Variants in AK5 observed in about 807,000 individuals in gnomAD.
AK5 encodes adenylate kinase isoenzyme 5.
Under a neutral mutation model 69.5 loss-of-function variants are expected in AK5, and 27 were observed. The observed-to-expected ratio is 0.39, with a 90% confidence interval of 0.29 to 0.54. The LOEUF is 0.54. Ranked by LOEUF, AK5 falls within the 20% of genes least tolerant of loss-of-function variation. The pLI is 0.71. For missense variants in AK5, 531 were observed against 700.4 expected (o/e 0.76, Z 2.73); for synonymous variants, 260 against 244.4 (o/e 1.06, Z -0.60).
At chr1:77,405,404 C>T (rs1570513905) in intron 6 of AK5, among the ~76,000 whole-genome samples, 1 of 152,246 alleles carries the variant, frequency 6.6e-6, no homozygotes, top group Admixed American at 6.5e-5. Context: ...CCCTTGGCCT[C>T]GGTTGCTTCT....
chr1:77,496,517 G>T (rs796608507), intron 10 of AK5, among the ~76,000 whole-genome samples: 1 of 152,148 alleles, frequency 6.6e-6, no homozygotes, highest in African/African-American at 2.4e-5. Flanking sequence ...TAAGGAAAAA[G>T]GAGACAGTTG....
At chr1:77,448,860 T>C (rs1465922336) in intron 8 of AK5, among the ~76,000 whole-genome samples, 1 of 152,156 alleles carries the variant, frequency 6.6e-6, no homozygotes, top group East Asian at 1.9e-4. Context: ...CCATGTTCCC[T>C]GGTGCTCACA....
chr1:77,336,633 G>T (rs116215215), intron 5 of AK5, among the ~76,000 whole-genome samples: 2,190 of 151,776 alleles, frequency 0.014, 43 homozygotes, highest in African/African-American at 0.047. Flanking sequence ...GGTTTTTTTT[G>T]TGTGTGTGTA....
intron 6 of AK5, among the ~76,000 whole-genome samples, chr1:77,395,887 C>T (rs1570497203): frequency 6.6e-6 from 1 of 152,164 alleles, no homozygotes; most frequent in African/African-American, 2.4e-5. Context: ...CCCTGACTCA[C>T]TCCTCTTCAT....
At chr1:77,531,313 C>T (rs754335678) in intron 12 of AK5, among the ~76,000 whole-genome samples, 8 of 152,200 alleles carry the variant, frequency 5.3e-5, no homozygotes, top group Non-Finnish European at 1.2e-4. Flanking sequence ...TGGACGGGGA[C>T]CCCAGCGGGT....
intron 5 of AK5, among the ~76,000 whole-genome samples, chr1:77,337,970 T>TTG (rs1553134844): frequency 6.6e-6 from 1 of 150,862 alleles, no homozygotes; most frequent in Non-Finnish European, 1.5e-5. Flanking sequence ...TTTTTATTTT[T>TTG]TTTTTTTTTT....
At chr1:77,517,503 G>C (rs187764236) in intron 10 of AK5, among the ~76,000 whole-genome samples, 3 of 152,218 alleles carry the variant, frequency 2.0e-5, no homozygotes, top group Admixed American at 2.0e-4. Flanking sequence ...TGTAAAATGG[G>C]AATAATAACA....
chr1:77,344,875 C>T (rs1661833766), intron 6 of AK5, among the ~76,000 whole-genome samples: 2 of 151,666 alleles, frequency 1.3e-5, no homozygotes, highest in Non-Finnish European at 2.9e-5. Flanking sequence ...CCCTCAGGAA[C>T]CCTTTTCTAA....
chr1:77,493,311 G>T (rs1656106123), intron 10 of AK5, among the ~76,000 whole-genome samples: 1 of 149,042 alleles, frequency 6.7e-6, no homozygotes, highest in African/African-American at 2.5e-5. Flanking sequence ...ATTTTCTCCT[G>T]CCCTTGGACA....
chr1:77,555,502 C>T (rs557572291), intron 13 of AK5, among the ~76,000 whole-genome samples: 3 of 152,118 alleles, frequency 2.0e-5, no homozygotes, highest in African/African-American at 4.8e-5. Context: ...GGGTGTGAAC[C>T]AGTTCTCTCC....
At chr1:77,415,246 G>A (rs571140731) in intron 7 of AK5, among the ~76,000 whole-genome samples, 4 of 152,106 alleles carry the variant, frequency 2.6e-5, no homozygotes, top group Admixed American at 6.5e-5. Context: ...AAGTATTAAC[G>A]TGTAATATCC....
chr1:77,486,653 G>C (rs552160139), intron 10 of AK5, among the ~76,000 whole-genome samples: 2 of 150,958 alleles, frequency 1.3e-5, no homozygotes, highest in South Asian at 2.1e-4. Flanking sequence ...AGCCGAGATC[G>C]CGCCACTGCA....
chr1:77,453,009 T>C (rs1653251731), intron 8 of AK5, among the ~76,000 whole-genome samples: 1 of 152,182 alleles, frequency 6.6e-6, no homozygotes, highest in Non-Finnish European at 1.5e-5. Context: ...CTAAAAGCTA[T>C]AGAGAATGAT....
At position 77,402,452 on chromosome 1, in the gene AK5, C is replaced by A. The variant is rs1428775712; in HGVS notation, c.892-8529C>A. Reference sequence around the variant, plus strand: ...TAATGCTATCCCTCCCCCCTCCCCCCACCCCACAACAGTCCCCGGTGTGTG... The same window carrying A: ...TAATGCTATCCCTCCCCCCTCCCCCAACCCCACAACAGTCCCCGGTGTGTG... On this transcript the variant is annotated intron_variant, in intron 6 of 13. Coordinates refer to ENST00000354567, the MANE Select transcript of AK5 (RefSeq NM_174858.3). 4.5e-5 allele frequency among the ~76,000 whole-genome samples: 6 copies of A among 134,392 alleles called. No homozygotes were observed. In the East Asian group the frequency reaches 6.7e-4, roughly 15 times the overall value. The allele number at this position is 134,392 out of a possible 152,430, so 88.2% of individuals were successfully genotyped here.
chr1:77,530,850 GA>G lies in AK5; in HGVS notation c.1429-4993del, dbSNP rs1357002238. ...AACCCCCATTCTGACTTAATCAGAA[GA>G]AAACTAAGGTGGGGGTGGAGTCAGA... On this transcript the variant is annotated intron_variant, in intron 12 of 13. Transcript: ENST00000354567. 2.6e-5 allele frequency among the ~76,000 whole-genome samples: 4 copies of G among 152,246 alleles called. No homozygotes were observed. In the East Asian group the frequency reaches 7.7e-4, roughly 29 times the overall value.
At chr1:77,321,756 T>G (rs1192885477) in intron 5 of AK5, among the ~76,000 whole-genome samples, 1 of 152,152 alleles carries the variant, frequency 6.6e-6, no homozygotes, top group East Asian at 1.9e-4. Flanking sequence ...GTAAAAATTC[T>G]AAATAGTGGT....
At chr1:77,357,195 C>G (rs140638090) in intron 6 of AK5, among the ~76,000 whole-genome samples, 2 of 152,094 alleles carry the variant, frequency 1.3e-5, no homozygotes, top group African/African-American at 4.8e-5. Flanking sequence ...TGAAATGTTG[C>G]AAGGAACTCA....
chr1:77,368,240 T>TA (rs1168079782), intron 6 of AK5, among the ~76,000 whole-genome samples: 49 of 3,472 alleles, frequency 0.014, 3 homozygotes, highest in Admixed American at 0.096. Context: ...TATATATATA[T>TA]ATATATATAT....
intron 7 of AK5, among the ~76,000 whole-genome samples, chr1:77,412,889 G>A (rs572697591): frequency 2.0e-5 from 3 of 152,076 alleles, no homozygotes; most frequent in Admixed American, 6.5e-5. Flanking sequence ...ATCAATCCAC[G>A]GGGGCACCTT....
Sources: gnomAD v4.1 joint callset for allele counts (sites outside exome capture counted in the v4.1 genomes callset) on GRCh38, gnomAD v4.1.1 for gene constraint, MANE v1.5 for transcripts, NCBI Gene and HGNC (gene_info 2026-07-23, HGNC 2026-07-21) for gene names.